Variants in PAPSS2 observed in about 807,000 individuals in gnomAD.
PAPSS2 encodes the protein bifunctional 3'-phosphoadenosine 5'-phosphosulfate synthase 2.
A neutral mutation model predicts 66.5 loss-of-function variants in PAPSS2; 61 were observed. The ratio of observed to expected loss-of-function variants is 0.92; its 90% CI spans 0.75 to 1.14. The LOEUF (loss-of-function observed/expected upper bound fraction) is 1.14. Ranked by LOEUF, PAPSS2 falls within the 50% of genes most tolerant of loss-of-function variation. PAPSS2 has a pLI of 0.00. For synonymous variants in PAPSS2, 289 were observed against 287.5 expected, an observed-to-expected ratio of 1.01 and a Z score of -0.05; for missense variants, 708 against 789.6, an observed-to-expected ratio of 0.90 and a Z score of 1.24.
intron 1 of PAPSS2, among the ~76,000 whole-genome samples, chr10:87,692,832 G>A (rs541303880): frequency 6.6e-6 from 1 of 152,354 alleles, no homozygotes; most frequent in Non-Finnish European, 1.5e-5. Flanking sequence ...GCGAGGTTGA[G>A]TCTGTAGCTG....
chr10:87,735,787 T>C (rs1472451607), intron 9 of PAPSS2, among the ~76,000 whole-genome samples: 2 of 152,174 alleles, frequency 1.3e-5, no homozygotes, highest in Admixed American at 1.3e-4. Context: ...CAATCAAAAT[T>C]ATCTTCAGAT....
At chr10:87,724,081 A>G (rs1853628598) in intron 8 of PAPSS2, among the ~76,000 whole-genome samples, 1 of 152,164 alleles carries the variant, frequency 6.6e-6, no homozygotes. Context: ...TTGAGAGAAT[A>G]GCCTATTTGT....
chr10:87,695,748 A>C (rs1314560551), intron 1 of PAPSS2, among the ~76,000 whole-genome samples: 1 of 152,222 alleles, frequency 6.6e-6, no homozygotes, highest in Non-Finnish European at 1.5e-5. Flanking sequence ...ATACATAATT[A>C]GAGAGGAAGG....
chr10:87,704,347 G>C (rs1853355935), intron 1 of PAPSS2, among the ~76,000 whole-genome samples: 1 of 152,198 alleles, frequency 6.6e-6, no homozygotes, highest in South Asian at 2.1e-4. Flanking sequence ...AGAACTTGCT[G>C]GGGAGACAAT....
chr10:87,685,882 TG>T (rs1853081906), intron 1 of PAPSS2, among the ~76,000 whole-genome samples: 1 of 152,136 alleles, frequency 6.6e-6, no homozygotes, highest in African/African-American at 2.4e-5. Flanking sequence ...TCTCAAATTC[TG>T]CGGTTCAAAT....
chr10:87,735,242 C>T (rs1414200378), intron 9 of PAPSS2, among the ~76,000 whole-genome samples: 1 of 152,158 alleles, frequency 6.6e-6, no homozygotes, highest in Non-Finnish European at 1.5e-5. Context: ...CAGCTGGACA[C>T]AGTTCTGGCG....
chr10:87,719,061 C>A (rs1024645013), intron 7 of PAPSS2, among the ~76,000 whole-genome samples: 3 of 152,156 alleles, frequency 2.0e-5, no homozygotes, highest in African/African-American at 7.2e-5. Context: ...TTATACAACC[C>A]CAGTTATGAT....
Position 87,743,420 on chromosome 10 carries a change from GC to G in PAPSS2, c.1273del (p.Leu425CysfsTer2), listed in dbSNP as rs1209588647. The G allele has an allele frequency of 4.3e-6, 7 of 1,613,980 alleles. No individual in the cohort carries two copies. The highest frequency in any genetic ancestry group is 5.9e-6 in the Non-Finnish European group (7 of 1,180,010). On this transcript the variant is annotated frameshift_variant, in exon 11 of 13. Transcript: ENST00000456849. LOFTEE classifies it high-confidence loss of function. ...QLRNPVHNGHALLMQDTRRRL... is the reference protein window; with the variant it reads ...QLRNPVHNGHXLLMQDTRRRL... ...GCGCAATCCTGTCCACAATGGCCAT[GC>G]CCTGTTGATGCAGGACACTCGCCGC...
intron 1 of PAPSS2, among the ~76,000 whole-genome samples, chr10:87,675,520 T>C (rs869284088): frequency 3.9e-5 from 6 of 152,032 alleles, no homozygotes; most frequent in Non-Finnish European, 7.4e-5. Flanking sequence ...TATTCATGTA[T>C]AGGGGGGCCA....
chr10:87,743,315 G>T, intron 10 of PAPSS2, 58 bp from the exon 11 acceptor site: 1 of 1,547,604 alleles, frequency 6.5e-7, no homozygotes, highest in Non-Finnish European at 8.9e-7. Flanking sequence ...TTCTGTTCTT[G>T]TGGAGAAATG....
chr10:87,660,635 AG>A (rs1267653351), intron 1 of PAPSS2, among the ~76,000 whole-genome samples: 1 of 151,944 alleles, frequency 6.6e-6, no homozygotes, highest in Non-Finnish European at 1.5e-5. Flanking sequence ...GACTGTGTTG[AG>A]GAGGCACACT....
chr10:87,746,117 AT>A lies in PAPSS2; in HGVS notation c.*148del, dbSNP rs200439276. 2.1e-4 allele frequency: 114 copies of A among 555,048 alleles called. No homozygotes were observed. The highest frequency in any genetic ancestry group is 4.8e-4 in the African/African-American group (21 of 43,766). 34.4% of individuals were successfully genotyped at this position (555,048 alleles called of 1,614,324 possible). The stretch of plus-strand genomic sequence containing the variant: ...AAGTTGTGTCTATAATTAAAAAAAA[AT>A]ATATATATATACACACACACATATA... On this transcript the variant is annotated 3_prime_UTR_variant, in exon 13 of 13. Coordinates refer to ENST00000456849, the MANE Select transcript of PAPSS2 (RefSeq NM_001015880.2).
intron 2 of PAPSS2, among the ~76,000 whole-genome samples, chr10:87,712,669 C>G (rs905924769): frequency 6.6e-6 from 1 of 152,088 alleles, no homozygotes; most frequent in Admixed American, 6.6e-5. Flanking sequence ...GTTCCCCAGG[C>G]TAGTTTCGAA....
chr10:87,728,973 A>T (rs1332137552), intron 9 of PAPSS2, among the ~76,000 whole-genome samples: 3 of 151,982 alleles, frequency 2.0e-5, no homozygotes, highest in Non-Finnish European at 2.9e-5. Context: ...TTTTTTAAAA[A>T]TTTTTATTTA....
intron 6 of PAPSS2, among the ~76,000 whole-genome samples, chr10:87,715,317 A>G (rs1853519675): frequency 6.6e-6 from 1 of 152,228 alleles, no homozygotes; most frequent in Admixed American, 6.5e-5. Flanking sequence ...TATGGAGGTG[A>G]CTGGGAAAAT....
chr10:87,683,495 A>G (rs1419630341), intron 1 of PAPSS2, among the ~76,000 whole-genome samples: 1 of 152,192 alleles, frequency 6.6e-6, no homozygotes, highest in African/African-American at 2.4e-5. Flanking sequence ...CCTCTATTCT[A>G]TCACCTGACA....
At chr10:87,665,463 G>A (rs570094347) in intron 1 of PAPSS2, among the ~76,000 whole-genome samples, 4 of 152,230 alleles carry the variant, frequency 2.6e-5, no homozygotes, top group South Asian at 2.1e-4. Context: ...TGCCCGCCTC[G>A]GCCTCCCAAA....
At chr10:87,662,641 G>C (rs938265726) in intron 1 of PAPSS2, among the ~76,000 whole-genome samples, 3 of 150,978 alleles carry the variant, frequency 2.0e-5, no homozygotes, top group Admixed American at 6.6e-5. Flanking sequence ...AGAAGGGAAG[G>C]CAAAGGCCTG....
At chr10:87,671,923 C>T (rs976877384) in intron 1 of PAPSS2, among the ~76,000 whole-genome samples, 1 of 152,138 alleles carries the variant, frequency 6.6e-6, no homozygotes, top group Non-Finnish European at 1.5e-5. Flanking sequence ...TTTCAGGAGA[C>T]TCAATTTTAT....
Sources: gnomAD v4.1 joint callset for allele counts (sites outside exome capture counted in the v4.1 genomes callset) on GRCh38, gnomAD v4.1.1 for gene constraint, MANE v1.5 for transcripts, NCBI Gene and HGNC (gene_info 2026-07-23, HGNC 2026-07-21) for gene names.